Variants in GPR174 observed in about 807,000 individuals in gnomAD.
The protein encoded by GPR174 is G protein-coupled receptor 174, also known as probable G protein-coupled receptor 174.
A neutral mutation model predicts 16.5 loss-of-function variants in GPR174; 8 were observed. That is an observed-to-expected ratio of 0.48 (90% CI 0.28 to 0.87). The LOEUF is 0.87. Ranked by LOEUF, GPR174 falls within the 40% of genes least tolerant of loss-of-function variation. The probability of loss-of-function intolerance (pLI) is 0.09; values close to 1 mark genes in which losing one functional copy is unlikely to be tolerated. For synonymous variants in GPR174, 111 were observed against 94.8 expected, an observed-to-expected ratio of 1.17 and a Z score of -0.99; for missense variants, 214 against 247.5, an observed-to-expected ratio of 0.86 and a Z score of 0.91.
chrX:79,167,167 T>C (rs753661617), intron 2 of GPR174, among the ~76,000 whole-genome samples: 4 of 112,368 alleles, frequency 3.6e-5, no homozygotes, highest in African/African-American at 1.3e-4. Flanking sequence ...AGTTTGGTTA[T>C]GTAGCTTAAC....
intron 1 of GPR174, among the ~76,000 whole-genome samples, chrX:79,153,620 G>T (rs1921029103): frequency 9.0e-6 from 1 of 111,265 alleles, no homozygotes. Flanking sequence ...TACCATTGTA[G>T]AAAAAAACAA....
At chrX:79,161,454 A>G (rs747547081) in intron 2 of GPR174, among the ~76,000 whole-genome samples, 3 of 112,531 alleles carry the variant, frequency 2.7e-5, no homozygotes, top group East Asian at 5.5e-4. Context: ...GTCATAAGTT[A>G]TGGTTTAGAA....
At chrX:79,154,747 T>C (rs889142858) in intron 1 of GPR174, among the ~76,000 whole-genome samples, 7 of 110,817 alleles carry the variant, frequency 6.3e-5, no homozygotes, top group Non-Finnish European at 1.1e-4. Flanking sequence ...GGTCAAGAGA[T>C]AGAAGGGACA....
intron 2 of GPR174, among the ~76,000 whole-genome samples, chrX:79,163,632 A>G (rs1417018138): frequency 8.9e-6 from 1 of 112,541 alleles, no homozygotes; most frequent in African/African-American, 3.2e-5. Context: ...TTAGATCCCA[A>G]TATCAAATTG....
chrX:79,145,059 T>C lies in GPR174; in HGVS notation c.-812T>C, dbSNP rs865989891. The C allele has an allele frequency of 2.2e-5, 2 of 89,737 alleles. No homozygotes were observed. Among genetic ancestry groups the C allele is most frequent in the African/African-American group, 8.8e-5 (2 of 22,843 alleles). 7.4% of individuals were successfully genotyped at this position (89,737 alleles called of 1,213,427 possible). A position where few individuals can be genotyped will look rare whatever the true frequency, so the allele number is the denominator to read the frequency against. On this transcript the variant is annotated 5_prime_UTR_variant, in exon 1 of 3. Coordinates refer to ENST00000645147, the MANE Select transcript of GPR174 (RefSeq NM_032553.3). ...CTTTCTTTCTTTCTTTCTTTCTTTC[T>C]TTCTTTTTTTTCTCCTTTTGCTAGT...
chrX:79,151,521 T>C (rs1212150262), intron 1 of GPR174, among the ~76,000 whole-genome samples: 1 of 111,458 alleles, frequency 9.0e-6, no homozygotes, highest in Non-Finnish European at 1.9e-5. Flanking sequence ...TTGTCAAAGC[T>C]CTTTCTTTAT....
chrX:79,160,833 G>C (rs1921218234), intron 2 of GPR174, among the ~76,000 whole-genome samples: 1 of 111,857 alleles, frequency 8.9e-6, no homozygotes, highest in South Asian at 3.7e-4. Flanking sequence ...GAATACTTCA[G>C]AGTTGAAACA....
intron 2 of GPR174, among the ~76,000 whole-genome samples, chrX:79,168,244 C>T (rs183964060): frequency 1.5e-3 from 166 of 111,734 alleles, no homozygotes; most frequent in African/African-American, 5.0e-3. Flanking sequence ...TTGCAGCACA[C>T]TAGGTCTGCT....
intron 2 of GPR174, among the ~76,000 whole-genome samples, chrX:79,160,188 G>A (rs1322958277): frequency 1.8e-5 from 2 of 110,622 alleles, no homozygotes; most frequent in Non-Finnish European, 3.8e-5. Context: ...AACAAAAAAA[G>A]GCCTTTTTTT....
At chrX:79,166,876 T>A (rs1403602417) in intron 2 of GPR174, among the ~76,000 whole-genome samples, 2 of 111,920 alleles carry the variant, frequency 1.8e-5, no homozygotes, top group Non-Finnish European at 3.8e-5. Context: ...ATGAAAACAC[T>A]GTCTTTGCTG....
chrX:79,148,811 A>G (rs1048851952), intron 1 of GPR174, among the ~76,000 whole-genome samples: 3 of 112,111 alleles, frequency 2.7e-5, no homozygotes, highest in Non-Finnish European at 3.8e-5. Context: ...CTTGGCCCCA[A>G]TGACATATTT....
At chrX:79,147,626 C>T (rs1053518826) in intron 1 of GPR174, among the ~76,000 whole-genome samples, 3 of 108,441 alleles carry the variant, frequency 2.8e-5, no homozygotes, top group Non-Finnish European at 5.7e-5. Context: ...AACAATACAG[C>T]CAATTCATTA....
chrX:79,158,158 C>G (rs1921143965), intron 2 of GPR174, among the ~76,000 whole-genome samples: 1 of 102,274 alleles, frequency 9.8e-6, no homozygotes, highest in Admixed American at 1.0e-4. Context: ...TTAAAGCCAC[C>G]CCATTTGTTT....
At chrX:79,157,192 GA>G (rs1170335934) in intron 2 of GPR174, among the ~76,000 whole-genome samples, 3 of 111,274 alleles carry the variant, frequency 2.7e-5, no homozygotes, top group Non-Finnish European at 1.9e-5. Context: ...CTGAGACAGA[GA>G]AAAAAAATCA....
chrX:79,164,948 C>A (rs930844298), intron 2 of GPR174, among the ~76,000 whole-genome samples: 1 of 111,248 alleles, frequency 9.0e-6, no homozygotes, highest in African/African-American at 3.3e-5. Flanking sequence ...GAATGAGACA[C>A]CTGTATTTTA....
At chrX:79,156,686 T>C (rs1410487715) in intron 1 of GPR174, 136 bp from the exon 2 acceptor site, 1 of 112,147 alleles carries the variant, frequency 8.9e-6, no homozygotes, top group East Asian at 2.8e-4. Flanking sequence ...AATGACTAAG[T>C]GTAACTCTCT....
Position 79,171,952 on chromosome X carries a change from T to C in GPR174, c.945T>C (p.His315=). 1 of 1,207,695 alleles carries C rather than the reference T, an allele frequency of 8.3e-7. No individual in the cohort carries two copies. The highest frequency in any genetic ancestry group is 1.1e-6 in the Non-Finnish European group (1 of 893,835). ...RQDLHDSIQL[H]AKSFVSNHTA... is the part of the protein sequence containing the mutation. The stretch of plus-strand genomic sequence containing the variant: ...ATTTGCATGACAGCATCCAACTCCA[T>C]GCAAAATCCTTTGTGAGTAACCATA... The change falls in exon 3 of 3, where the codon CAT becomes CAC. Residue 315 remains histidine (H), a synonymous_variant. Coordinates refer to ENST00000645147, the MANE Select transcript of GPR174 (RefSeq NM_032553.3).
At chrX:79,153,228 C>A (rs181720204) in intron 1 of GPR174, among the ~76,000 whole-genome samples, 13 of 111,939 alleles carry the variant, frequency 1.2e-4, no homozygotes, top group South Asian at 3.7e-4. Flanking sequence ...TTTTACACAT[C>A]TCTCTTTTTT....
Position 79,172,291 on chromosome X carries a change from T to C in GPR174, c.*282T>C, listed in dbSNP as rs1324161555. 4.5e-5 allele frequency: 12 copies of C among 269,605 alleles called. No homozygotes were observed. The highest frequency in any genetic ancestry group is 1.6e-4 in the South Asian group (1 of 6,173). 22.2% of individuals were successfully genotyped at this position (269,605 alleles called of 1,213,427 possible). A position where few individuals can be genotyped will look rare whatever the true frequency, so the allele number is the denominator to read the frequency against. ...TATAAACATATGCACTCAACTGTAGTCAGTACTTTTACCTGTGAACCTCAG... is the reference window on the plus strand; with the variant it reads ...TATAAACATATGCACTCAACTGTAGCCAGTACTTTTACCTGTGAACCTCAG... On this transcript the variant is annotated 3_prime_UTR_variant, in exon 3 of 3. Coordinates refer to ENST00000645147, the MANE Select transcript of GPR174 (RefSeq NM_032553.3).
Sources: gnomAD v4.1 joint callset for allele counts (sites outside exome capture counted in the v4.1 genomes callset) on GRCh38, gnomAD v4.1.1 for gene constraint, MANE v1.5 for transcripts, NCBI Gene and HGNC (gene_info 2026-07-23, HGNC 2026-07-21) for gene names.